TMBIM6: variants seen among roughly 807,000 people sequenced by gnomAD.
The protein encoded by TMBIM6 is bax inhibitor 1.
In TMBIM6, 13 loss-of-function variants were observed where a neutral mutation model predicts 31.4. The ratio of observed to expected loss-of-function variants is 0.41; its 90% CI spans 0.27 to 0.66. The LOEUF (loss-of-function observed/expected upper bound fraction) is 0.66. Ranked by LOEUF, TMBIM6 falls within the 30% of genes least tolerant of loss-of-function variation. The pLI is 0.28. For synonymous variants in TMBIM6, 85 were observed against 101.7 expected, an observed-to-expected ratio of 0.84 and a Z score of 0.99; for missense variants, 275 against 289.5, an observed-to-expected ratio of 0.95 and a Z score of 0.36.
rs1462955266 is a variant in TMBIM6 at position 49,764,725 on chromosome 12, A to T, written c.*1829A>T. 7.6e-6 allele frequency: 1 copy of T among 131,044 alleles called. No individual in the cohort carries two copies. Among genetic ancestry groups the T allele is most frequent in the Admixed American group, 7.3e-5 (1 of 13,680 alleles). The allele number at this position is 131,044 out of a possible 1,614,324, so 8.1% of individuals were successfully genotyped here. ...GACAAGATATTAAAAAAAAAAAAGAAAGAAAAAAAAAAAAACACCTACTTT... is the reference window on the plus strand; with the variant it reads ...GACAAGATATTAAAAAAAAAAAAGATAGAAAAAAAAAAAAACACCTACTTT... On this transcript the variant is annotated 3_prime_UTR_variant, in exon 10 of 10. Coordinates refer to ENST00000267115, the MANE Select transcript of TMBIM6 (RefSeq NM_003217.3).
intron 3 of TMBIM6, among the ~76,000 whole-genome samples, chr12:49,754,197 G>T (rs944480726): frequency 2.6e-5 from 4 of 152,074 alleles, no homozygotes; most frequent in Non-Finnish European, 5.9e-5. Context: ...GTGTCGTCCT[G>T]ACTGGTCTCA....
At chr12:49,746,792 A>AG (rs771481763) in intron 1 of TMBIM6, among the ~76,000 whole-genome samples, 40 of 152,050 alleles carry the variant, frequency 2.6e-4, no homozygotes, top group African/African-American at 7.5e-4. Context: ...AAGAAGAAGA[A>AG]AAAAAACTAC....
intron 3 of TMBIM6, among the ~76,000 whole-genome samples, chr12:49,754,991 T>TTG (rs1945562170): frequency 6.6e-6 from 1 of 152,182 alleles, no homozygotes; most frequent in Non-Finnish European, 1.5e-5. Context: ...AGTTTCACTC[T>TTG]TGTTGCCCAG....
At chr12:49,747,063 C>T (rs962531172) in intron 1 of TMBIM6, among the ~76,000 whole-genome samples, 2 of 152,074 alleles carry the variant, frequency 1.3e-5, no homozygotes, top group Admixed American at 6.5e-5. Flanking sequence ...GTCTCGATCT[C>T]GTGACCTCAG....
intron 8 of TMBIM6, 116 bp from the exon 9 acceptor site, chr12:49,761,588 A>G (rs1945720111): frequency 1.2e-6 from 1 of 825,696 alleles, no homozygotes; most frequent in Non-Finnish European, 1.9e-6. Flanking sequence ...GTTGGGGGTA[A>G]AGTGTGGGAG....
At chr12:49,748,489 A>G (rs1413991931) in intron 1 of TMBIM6, among the ~76,000 whole-genome samples, 3 of 152,270 alleles carry the variant, frequency 2.0e-5, no homozygotes, top group African/African-American at 7.2e-5. Flanking sequence ...TTGTTTTTGC[A>G]TGGCTCTGGC....
At chr12:49,750,653 T>G (rs926638918) in intron 1 of TMBIM6, 1 of 152,264 alleles carries the variant, frequency 6.6e-6, no homozygotes, top group Non-Finnish European at 1.5e-5. Context: ...TAGTAGGTTC[T>G]GCAGCTTCTC....
At chr12:49,747,195 C>G (rs1481300124) in intron 1 of TMBIM6, among the ~76,000 whole-genome samples, 1 of 152,134 alleles carries the variant, frequency 6.6e-6, no homozygotes, top group East Asian at 1.9e-4. Flanking sequence ...TTGGTCCCTT[C>G]TAGATATGTG....
intron 3 of TMBIM6, among the ~76,000 whole-genome samples, chr12:49,755,404 C>T (rs181861229): frequency 3.5e-4 from 54 of 152,282 alleles, no homozygotes; most frequent in Admixed American, 5.2e-4. Flanking sequence ...TGAAGGACTA[C>T]GCAAGCCAGA....
chr12:49,761,595 G>C, intron 8 of TMBIM6, 109 bp from the exon 9 acceptor site: 1 of 924,134 alleles, frequency 1.1e-6, no homozygotes. Context: ...GTAAAGTGTG[G>C]GAGAAGCTGG....
rs1029383746 is a variant in TMBIM6, at chr12:49,764,888, C to T, written c.*1992C>T. ...TTTTTGATTCAGAAATATATGAAAT[C>T]TGCATAGTCTTAATTTGTAAAAAAT... On this transcript the variant is annotated 3_prime_UTR_variant, in exon 10 of 10. Transcript: ENST00000267115. 1.3e-5 allele frequency: 2 copies of T among 152,142 alleles called. No individual in the cohort carries two copies. The highest frequency in any genetic ancestry group is 2.9e-5 in the Non-Finnish European group (2 of 68,024). 9.4% of individuals were successfully genotyped at this position (152,142 alleles called of 1,614,324 possible). A position where few individuals can be genotyped will look rare whatever the true frequency, so the allele number is the denominator to read the frequency against.
At chr12:49,759,895 G>A (rs1036073371) in intron 8 of TMBIM6, among the ~76,000 whole-genome samples, 9 of 151,298 alleles carry the variant, frequency 5.9e-5, no homozygotes, top group South Asian at 2.1e-4. Context: ...GGCGGATCAC[G>A]AGGTCAGGAG....
At chr12:49,754,047 C>T (rs1002611501) in intron 3 of TMBIM6, among the ~76,000 whole-genome samples, 2 of 151,888 alleles carry the variant, frequency 1.3e-5, no homozygotes, top group African/African-American at 2.4e-5. Context: ...TGAGGTTGAA[C>T]AAGACAGTGC....
intron 4 of TMBIM6, among the ~76,000 whole-genome samples, chr12:49,756,750 T>G (rs1297451152): frequency 8.8e-5 from 13 of 147,962 alleles, no homozygotes; most frequent in East Asian, 4.0e-4. Context: ...TTGTTTTTTT[T>G]TTTGAGACTG....
At chr12:49,752,890 A>G in intron 2 of TMBIM6, 83 bp from the exon 3 acceptor site, 1 of 1,249,050 alleles carries the variant, frequency 8.0e-7, no homozygotes, top group Non-Finnish European at 1.1e-6. Flanking sequence ...ATTCCCAGGA[A>G]GGGAAAGAGA....
intron 3 of TMBIM6, among the ~76,000 whole-genome samples, chr12:49,753,617 G>A (rs758590112): frequency 6.6e-6 from 1 of 152,206 alleles, no homozygotes; most frequent in Non-Finnish European, 1.5e-5. Flanking sequence ...CAGAAAGTTT[G>A]AAGACTCCCT....
chr12:49,758,555 C>T (rs968232978), intron 6 of TMBIM6, 75 bp downstream of exon 6: 2 of 1,556,074 alleles, frequency 1.3e-6, no homozygotes, highest in African/African-American at 2.7e-5. Context: ...CTTCCTTACC[C>T]CTAACTCCTT....
chr12:49,761,966 A>G (rs1592734611), intron 9 of TMBIM6, 187 bp downstream of exon 9: 1 of 579,138 alleles, frequency 1.7e-6, no homozygotes, highest in Non-Finnish European at 2.9e-6. Context: ...GTGAAAAAAA[A>G]ATTTTTTTAA....
chr12:49,762,842 A>G, intron 9 of TMBIM6, 31 bp from the exon 10 acceptor site: 1 of 1,610,454 alleles, frequency 6.2e-7, no homozygotes, highest in Middle Eastern at 1.7e-4. Context: ...AATGTCAAAA[A>G]ATTAATTGGG....
Sources: allele counts gnomAD v4.1 joint callset (sites outside exome capture counted in the v4.1 genomes callset), GRCh38; gene constraint gnomAD v4.1.1; transcripts MANE v1.5; gene names NCBI Gene and HGNC (gene_info 2026-07-23, HGNC 2026-07-21).